FTO: variants seen among roughly 807,000 people sequenced by gnomAD.
FTO encodes alpha-ketoglutarate-dependent dioxygenase FTO.
A neutral mutation model predicts 63.9 loss-of-function variants in FTO; 47 were observed. That is an observed-to-expected ratio of 0.74 (90% CI 0.58 to 0.94). The LOEUF (loss-of-function observed/expected upper bound fraction) is 0.94, where lower values mean the gene tolerates loss of function less well. Ranked by LOEUF, FTO falls within the 40% of genes least tolerant of loss-of-function variation. The pLI is 0.00. For missense variants in FTO, 562 were observed against 618.1 expected, an observed-to-expected ratio of 0.91 and a Z score of 0.96; for synonymous variants, 207 against 224.4, an observed-to-expected ratio of 0.92 and a Z score of 0.69.
chr16:53,962,332 C>T (rs1051214456), intron 8 of FTO, among the ~76,000 whole-genome samples: 1 of 152,114 alleles, frequency 6.6e-6, no homozygotes. Flanking sequence ...ACACTGACCC[C>T]AATCATAACG....
At chr16:53,782,421 G>A (rs2077610943) in intron 1 of FTO, among the ~76,000 whole-genome samples, 2 of 152,244 alleles carry the variant, frequency 1.3e-5, no homozygotes, top group Admixed American at 1.3e-4. Flanking sequence ...CTCATGGAAT[G>A]CTTGGAAAAT....
intron 7 of FTO, among the ~76,000 whole-genome samples, chr16:53,925,495 G>A (rs1033909226): frequency 6.6e-6 from 1 of 151,972 alleles, no homozygotes; most frequent in Non-Finnish European, 1.5e-5. Flanking sequence ...TCTGAAGAGG[G>A]ATTACCAGCC....
intron 1 of FTO, among the ~76,000 whole-genome samples, chr16:53,733,075 G>A (rs2076310113): frequency 6.6e-6 from 1 of 152,172 alleles, no homozygotes; most frequent in African/African-American, 2.4e-5. Flanking sequence ...TTAGAGCCAA[G>A]ATCTCTGACA....
At chr16:53,870,686 A>G (rs1277848657) in intron 4 of FTO, among the ~76,000 whole-genome samples, 2 of 152,144 alleles carry the variant, frequency 1.3e-5, no homozygotes, top group Admixed American at 6.5e-5. Flanking sequence ...TTACGTCTGC[A>G]TATGTTATAA....
At chr16:53,726,837 T>G (rs1318316071) in intron 1 of FTO, among the ~76,000 whole-genome samples, 1 of 152,146 alleles carries the variant, frequency 6.6e-6, no homozygotes, top group African/African-American at 2.4e-5. Context: ...TGGAGCAGGT[T>G]GGAGATGTTG....
intron 8 of FTO, among the ~76,000 whole-genome samples, chr16:54,068,432 A>G (rs1341040607): frequency 6.6e-6 from 1 of 152,194 alleles, no homozygotes; most frequent in Non-Finnish European, 1.5e-5. Context: ...AGAAGCCCTT[A>G]GAATATATGT....
At chr16:54,011,470 G>T (rs1373890200) in intron 8 of FTO, among the ~76,000 whole-genome samples, 1 of 152,134 alleles carries the variant, frequency 6.6e-6, no homozygotes, top group Non-Finnish European at 1.5e-5. Flanking sequence ...AGAATACCAG[G>T]TCATATCCAT....
intron 7 of FTO, among the ~76,000 whole-genome samples, chr16:53,915,185 C>T (rs2081832054): frequency 6.6e-6 from 1 of 152,154 alleles, no homozygotes. Flanking sequence ...ACTGACCCAA[C>T]CAAATTGCTT....
intron 8 of FTO, chr16:53,992,513 T>C (rs1471651203): frequency 6.6e-6 from 1 of 152,202 alleles, no homozygotes. Flanking sequence ...AAAAGCCATC[T>C]TTCTCTTCGT....
intron 3 of FTO, among the ~76,000 whole-genome samples, chr16:53,833,805 T>C (rs2079207906): frequency 6.6e-6 from 1 of 152,236 alleles, no homozygotes; most frequent in African/African-American, 2.4e-5. Context: ...CTTGTGGTTT[T>C]GATACACATT....
At chr16:53,845,386 T>C (rs1470144667) in intron 4 of FTO, among the ~76,000 whole-genome samples, 1 of 152,150 alleles carries the variant, frequency 6.6e-6, no homozygotes, top group Non-Finnish European at 1.5e-5. Flanking sequence ...AGGGGAGATA[T>C]TGGAGGTGGA....
intron 8 of FTO, among the ~76,000 whole-genome samples, chr16:53,951,707 T>G (rs1215592879): frequency 1.3e-5 from 2 of 152,172 alleles, no homozygotes; most frequent in African/African-American, 4.8e-5. Flanking sequence ...AACTGATTCC[T>G]CCTGTCTAAC....
chr16:54,052,722 C>CTT, intron 8 of FTO: 1 of 148,386 alleles, frequency 6.7e-6, no homozygotes, highest in Non-Finnish European at 1.5e-5. Context: ...GAGAACTTGA[C>CTT]TTTTTTTTTT....
At chr16:53,834,368 A>G (rs1412992717) in intron 3 of FTO, among the ~76,000 whole-genome samples, 1 of 152,206 alleles carries the variant, frequency 6.6e-6, no homozygotes, top group Non-Finnish European at 1.5e-5. Context: ...GGGATCAGAG[A>G]ACAGTGGAAT....
intron 8 of FTO, among the ~76,000 whole-genome samples, chr16:54,091,620 G>C (rs2086385295): frequency 1.3e-5 from 2 of 152,236 alleles, no homozygotes; most frequent in South Asian, 4.1e-4. Flanking sequence ...AAACAAATCT[G>C]CGGGTTGGAT....
intron 8 of FTO, among the ~76,000 whole-genome samples, chr16:54,027,183 A>G (rs958948280): frequency 6.6e-6 from 1 of 152,206 alleles, no homozygotes; most frequent in African/African-American, 2.4e-5. Flanking sequence ...AGGTCAGGAT[A>G]AGATAATGAT....
In FTO at chr16:53,905,037, C is replaced by A. The variant is rs186487793; in HGVS notation, c.1239+16086C>A. Among the ~76,000 whole-genome samples the A allele has an allele frequency of 3.1e-4, 47 of 152,164 alleles. 1 individual carries two copies. The East Asian group carries it at 8.3e-3, about 27-fold the overall frequency. On this transcript the variant is annotated intron_variant, in intron 7 of 8. Coordinates refer to ENST00000471389, the MANE Select transcript of FTO (RefSeq NM_001080432.3). ...AATAAAGACAAGGACGAAAAGAGAT[C>A]TCAGCAGGGGAGGAGAGCTTTCTTT...
At chr16:53,984,918 G>C (rs1296243568) in intron 8 of FTO, 2 of 456,514 alleles carry the variant, frequency 4.4e-6, no homozygotes, top group East Asian at 1.4e-4. Flanking sequence ...TAAAATGATG[G>C]AAATGTGTTT....
At chr16:53,777,039 T>C (rs2077475676) in intron 1 of FTO, among the ~76,000 whole-genome samples, 1 of 152,192 alleles carries the variant, frequency 6.6e-6, no homozygotes, top group Non-Finnish European at 1.5e-5. Context: ...AACATATCTG[T>C]CACCACACAT....
Sources: gnomAD v4.1 joint callset for allele counts (sites outside exome capture counted in the v4.1 genomes callset) on GRCh38, gnomAD v4.1.1 for gene constraint, MANE v1.5 for transcripts, NCBI Gene and HGNC (gene_info 2026-07-23, HGNC 2026-07-21) for gene names.